BRD10: variants seen among roughly 807,000 people sequenced by gnomAD.
The protein encoded by BRD10 is bromodomain containing 10, also known as uncharacterized bromodomain-containing protein 10.
chr9:5,986,819 A>C, the BRD10 span, among the ~76,000 whole-genome samples: 4 of 152,318 alleles, frequency 2.6e-5, no homozygotes, highest in Admixed American at 1.3e-4. Flanking sequence ...TCATATTCAT[A>C]GTTTCCTGCT....
the BRD10 span, among the ~76,000 whole-genome samples, chr9:5,911,932 T>C: frequency 6.6e-6 from 1 of 152,342 alleles, no homozygotes; most frequent in East Asian, 1.9e-4. Context: ...AAGAATGTTA[T>C]TGTTACTTTG....
chr9:5,968,596 T>G, the BRD10 span: 2 of 1,613,944 alleles, frequency 1.2e-6, no homozygotes, highest in Non-Finnish European at 1.7e-6. Context: ...GACAGCAAGC[T>G]GGATCAAAAT....
the BRD10 span, among the ~76,000 whole-genome samples, chr9:5,902,055 A>C: frequency 6.6e-6 from 1 of 152,160 alleles, no homozygotes; most frequent in Non-Finnish European, 1.5e-5. Context: ...CTTTGCTTCT[A>C]TCTTCTGAAA....
At chr9:5,896,687 T>C in the BRD10 span, among the ~76,000 whole-genome samples, 8 of 152,210 alleles carry the variant, frequency 5.3e-5, no homozygotes, top group Non-Finnish European at 8.8e-5. Flanking sequence ...TGTTAGCTAA[T>C]TGATGATGCT....
chr9:5,976,192 G>A, the BRD10 span, among the ~76,000 whole-genome samples: 4 of 152,012 alleles, frequency 2.6e-5, no homozygotes, highest in Admixed American at 1.3e-4. Flanking sequence ...ACTAGAGAGT[G>A]TGTAAAATAA....
At chr9:5,991,869 T>C in the BRD10 span, among the ~76,000 whole-genome samples, 3 of 152,182 alleles carry the variant, frequency 2.0e-5, no homozygotes, top group Non-Finnish European at 4.4e-5. Context: ...CCAGGCCTAA[T>C]TTTCTGCCAT....
chr9:5,924,163 G>C, the BRD10 span, among the ~76,000 whole-genome samples: 1 of 152,174 alleles, frequency 6.6e-6, no homozygotes, highest in Non-Finnish European at 1.5e-5. Context: ...AGAAGAGCAT[G>C]AACCAATTTC....
the BRD10 span, chr9:5,922,315 C>G: frequency 1.2e-6 from 2 of 1,613,904 alleles, no homozygotes; most frequent in South Asian, 1.1e-5. Context: ...AGGAAATGGT[C>G]GGTGAAGCAC....
chr9:5,908,889 G>C, the BRD10 span: 8 of 573,168 alleles, frequency 1.4e-5, no homozygotes, highest in African/African-American at 1.3e-4. Flanking sequence ...GTGAGGAAAT[G>C]ATGAGAAATA....
chr9:5,952,893 T>C, the BRD10 span, among the ~76,000 whole-genome samples: 1 of 152,234 alleles, frequency 6.6e-6, no homozygotes, highest in Non-Finnish European at 1.5e-5. Flanking sequence ...TTTTATTAAC[T>C]ACTCTGCAAC....
the BRD10 span, among the ~76,000 whole-genome samples, chr9:5,961,811 C>G: frequency 2.0e-5 from 3 of 152,134 alleles, no homozygotes; most frequent in South Asian, 4.1e-4. Flanking sequence ...TAAATATTAC[C>G]CAAACTGCCT....
At chr9:5,992,945 A>C in the BRD10 span, among the ~76,000 whole-genome samples, 1 of 152,216 alleles carries the variant, frequency 6.6e-6, no homozygotes, top group Non-Finnish European at 1.5e-5. Context: ...TTTGCTATCA[A>C]AAACAATGTA....
chr9:5,921,244 T>G, the BRD10 span: 1 of 1,614,006 alleles, frequency 6.2e-7, no homozygotes, highest in Non-Finnish European at 8.5e-7. Flanking sequence ...CTGAAGTATT[T>G]ACAATTGCTT....
the BRD10 span, among the ~76,000 whole-genome samples, chr9:5,952,146 G>A: frequency 2.0e-5 from 3 of 151,738 alleles, no homozygotes; most frequent in Non-Finnish European, 4.4e-5. Flanking sequence ...TCAGCCTCCC[G>A]GGTAGATGGG....
chr9:5,944,181 G>A, the BRD10 span, among the ~76,000 whole-genome samples: 9 of 152,102 alleles, frequency 5.9e-5, no homozygotes, highest in African/African-American at 2.2e-4. Flanking sequence ...TTACTGGTAT[G>A]TAATTGTGTT....
the BRD10 span, chr9:5,921,295 C>G: frequency 6.2e-7 from 1 of 1,613,962 alleles, no homozygotes; most frequent in Non-Finnish European, 8.5e-7. Flanking sequence ...TTATCTGAGA[C>G]ACAGCTGGTG....
At chr9:5,993,328 A>C in the BRD10 span, among the ~76,000 whole-genome samples, 2 of 105,328 alleles carry the variant, frequency 1.9e-5, no homozygotes, top group Admixed American at 1.9e-4. Flanking sequence ...AAAAAAAAAA[A>C]AAAAAAAACA....
the BRD10 span, chr9:5,988,637 A>G: frequency 1.1e-6 from 1 of 902,180 alleles, no homozygotes; most frequent in Non-Finnish European, 1.7e-6. Context: ...CTTTTGCTAA[A>G]TACATAAAAG....
chr9:6,002,824 G>T, the BRD10 span, among the ~76,000 whole-genome samples: 1 of 151,774 alleles, frequency 6.6e-6, no homozygotes, highest in Admixed American at 6.6e-5. Flanking sequence ...TTACAGGTGT[G>T]TGCCACTACA....
Sources: gnomAD v4.1 joint callset for allele counts (sites outside exome capture counted in the v4.1 genomes callset) on GRCh38, gnomAD v4.1.1 for gene constraint, MANE v1.5 for transcripts, NCBI Gene and HGNC (gene_info 2026-07-23, HGNC 2026-07-21) for gene names.